Variants in CPO observed in about 807,000 individuals in gnomAD.
The protein encoded by CPO is metallocarboxypeptidase C.
Under a neutral mutation model 41.2 loss-of-function variants are expected in CPO, and 43 were observed. The observed-to-expected ratio is 1.04, with a 90% CI of 0.82 to 1.35. The LOEUF (loss-of-function observed/expected upper bound fraction) is 1.35, where lower values mean the gene tolerates loss of function less well. Ranked by LOEUF, CPO falls within the 40% of genes most tolerant of loss-of-function variation. The pLI, the probability that CPO is intolerant of heterozygous loss-of-function variation, is 0.00. For synonymous variants in CPO, 178 were observed against 162.7 expected (o/e 1.09, Z -0.72); for missense variants, 408 against 451.7 (o/e 0.90, Z 0.88).
In CPO at chr2:206,962,398, C is replaced by T; in HGVS notation, c.575-14C>T. On this transcript the variant is annotated splice_polypyrimidine_tract_variant and intron_variant, in intron 6 of 8. Transcript: ENST00000272852. ...GATCATGCAGCCTTCTTTGTGGTTTCTTCCATATTCTAGGTATTGGTGCCT... is the reference window on the plus strand; with the variant it reads ...GATCATGCAGCCTTCTTTGTGGTTTTTTCCATATTCTAGGTATTGGTGCCT... 6.2e-7 allele frequency: 1 copy of T among 1,612,278 alleles called. No individual in the cohort carries two copies. Among genetic ancestry groups the T allele is most frequent in the Non-Finnish European group, 8.5e-7 (1 of 1,178,366 alleles).
At position 206,941,911 on chromosome 2, in the gene CPO, A is replaced by G. The variant is rs192313640; in HGVS notation, c.68+2244A>G. Among the ~76,000 whole-genome samples the G allele has an allele frequency of 4.7e-3, 710 of 152,224 alleles. 4 individuals carry two copies. Among genetic ancestry groups the G allele is most frequent in the South Asian group, 9.3e-3 (45 of 4,832 alleles). On this transcript the variant is annotated intron_variant, in intron 1 of 8. Transcript: ENST00000272852. ...GTATAATCATTTGGGATTTAGCAAT[A>G]TCAATCAAATGGCTTGAAAATGTTC...
Position 206,939,546 on chromosome 2 carries a change from C to T in CPO, c.-54C>T. 7.1e-7 allele frequency: 1 copy of T among 1,402,698 alleles called. No individual in the cohort carries two copies. Among genetic ancestry groups the T allele is most frequent in the Non-Finnish European group, 1.0e-6 (1 of 990,142 alleles). The allele number at this position is 1,402,698 out of a possible 1,614,324, so 86.9% of individuals were successfully genotyped here. The stretch of plus-strand genomic sequence containing the variant: ...GTCTTGATGCATTCATTCTCAAGGA[C>T]ACTTGATCCACTGCCAGAGAGGCCC... On this transcript the variant is annotated 5_prime_UTR_variant, in exon 1 of 9. Coordinates refer to ENST00000272852, the MANE Select transcript of CPO (RefSeq NM_173077.3).
intron 1 of CPO, among the ~76,000 whole-genome samples, chr2:206,946,267 A>G (rs1693143545): frequency 6.6e-6 from 1 of 152,200 alleles, no homozygotes; most frequent in South Asian, 2.1e-4. Context: ...CAATGTATAA[A>G]AAGAATTAGA....
intron 3 of CPO, among the ~76,000 whole-genome samples, chr2:206,956,440 C>CGTG (rs1243764229): frequency 6.6e-6 from 1 of 152,174 alleles, no homozygotes; most frequent in Non-Finnish European, 1.5e-5. Context: ...GCAGCATCAC[C>CGTG]ACCTGAGGGC....
intron 7 of CPO, among the ~76,000 whole-genome samples, chr2:206,967,346 T>TAGATATAG (rs1553512792): frequency 3.6e-5 from 4 of 111,278 alleles, no homozygotes; most frequent in African/African-American, 1.5e-4. Context: ...TATATATATA[T>TAGATATAG]ATATAGATAT....
chr2:206,939,632 G>A lies in CPO; in HGVS notation c.33G>A (p.Leu11=). 1 of 1,611,252 alleles carries A rather than the reference G, an allele frequency of 6.2e-7. No individual in the cohort carries two copies. The highest frequency in any genetic ancestry group is 8.5e-7 in the Non-Finnish European group (1 of 1,177,968). MKPLLETLYL[L]GMLVPGGLGY... is the part of the protein sequence containing the mutation. ...CTCTGCTTGAAACCCTTTATCTTTTGGGGATGCTGGTTCCTGGAGGGCTGG... is the reference window on the plus strand; with the variant it reads ...CTCTGCTTGAAACCCTTTATCTTTTAGGGATGCTGGTTCCTGGAGGGCTGG... The change falls in exon 1 of 9, where the codon TTG becomes TTA. Residue 11 remains leucine, a synonymous_variant. Coordinates refer to ENST00000272852, the MANE Select transcript of CPO (RefSeq NM_173077.3).
chr2:206,956,288 A>T (rs1242539376), intron 3 of CPO, among the ~76,000 whole-genome samples: 1 of 152,108 alleles, frequency 6.6e-6, no homozygotes, highest in Non-Finnish European at 1.5e-5. Context: ...TTTTGACCTA[A>T]TTGTTTCAGG....
intron 1 of CPO, among the ~76,000 whole-genome samples, chr2:206,947,069 T>G (rs990301874): frequency 2.6e-5 from 4 of 152,170 alleles, no homozygotes; most frequent in Admixed American, 1.3e-4. Flanking sequence ...ATTGACAAAC[T>G]GATTCTAAAG....
intron 2 of CPO, among the ~76,000 whole-genome samples, chr2:206,953,620 A>G (rs1259316273): frequency 6.6e-6 from 1 of 152,204 alleles, no homozygotes; most frequent in African/African-American, 2.4e-5. Flanking sequence ...GCACAGTGCA[A>G]GCTGTCAGTG....
In CPO at chr2:206,960,833, G is replaced by T; in HGVS notation, c.484-19G>T. 1 of 1,551,544 alleles carries T rather than the reference G, an allele frequency of 6.4e-7. No homozygotes were observed. Among genetic ancestry groups the T allele is most frequent in the Non-Finnish European group, 8.9e-7 (1 of 1,123,174 alleles). On this transcript the variant is annotated intron_variant, in intron 5 of 8. Coordinates refer to ENST00000272852, the MANE Select transcript of CPO (RefSeq NM_173077.3). ...ATGAAACCTTAGAACAGCAACATCC[G>T]TATGTTCCTCTGCTACAGGATCGTC...
chr2:206,966,404 GAGACTCTTAA>G (rs930620363), intron 7 of CPO, among the ~76,000 whole-genome samples: 8 of 152,122 alleles, frequency 5.3e-5, no homozygotes, highest in Admixed American at 5.2e-4. Context: ...ATCTCTGCTA[GAGACTCTTAA>G]AGAACTTCAG....
At chr2:206,947,669 T>C (rs1016353356) in intron 1 of CPO, among the ~76,000 whole-genome samples, 3 of 152,024 alleles carry the variant, frequency 2.0e-5, no homozygotes, top group African/African-American at 7.2e-5. Context: ...AGGACTGTTA[T>C]CCAAAATATA....
chr2:206,948,415 G>C (rs1005926425), intron 1 of CPO, among the ~76,000 whole-genome samples: 22 of 152,190 alleles, frequency 1.4e-4, no homozygotes, highest in African/African-American at 5.1e-4. Flanking sequence ...TAGTTGCCAG[G>C]GGTTAGGGAA....
At chr2:206,959,155 A>G (rs1693431541) in intron 4 of CPO, among the ~76,000 whole-genome samples, 1 of 152,218 alleles carries the variant, frequency 6.6e-6, no homozygotes, top group Non-Finnish European at 1.5e-5. Flanking sequence ...ATTTTTGTGT[A>G]TTACTTATAA....
At chr2:206,946,893 T>C (rs1693155063) in intron 1 of CPO, among the ~76,000 whole-genome samples, 1 of 152,100 alleles carries the variant, frequency 6.6e-6, no homozygotes, top group African/African-American at 2.4e-5. Context: ...TTAGGTATAA[T>C]TCTAACAAAA....
At chr2:206,956,647 C>T (rs1693372342) in intron 3 of CPO, among the ~76,000 whole-genome samples, 1 of 152,188 alleles carries the variant, frequency 6.6e-6, no homozygotes, top group Non-Finnish European at 1.5e-5. Context: ...GCATTTCTAA[C>T]AAGTTCCTAG....
intron 1 of CPO, among the ~76,000 whole-genome samples, chr2:206,942,393 C>T (rs536641400): frequency 2.0e-5 from 3 of 152,004 alleles, no homozygotes; most frequent in Admixed American, 6.6e-5. Context: ...ATACCTTCTA[C>T]GTTTTCCATG....
intron 2 of CPO, among the ~76,000 whole-genome samples, chr2:206,953,119 A>G (rs1693296197): frequency 6.6e-6 from 1 of 152,152 alleles, no homozygotes; most frequent in Non-Finnish European, 1.5e-5. Flanking sequence ...CAACCAAACC[A>G]TATATTCCAC....
At chr2:206,947,578 A>G (rs1401019768) in intron 1 of CPO, among the ~76,000 whole-genome samples, 2 of 152,184 alleles carry the variant, frequency 1.3e-5, no homozygotes, top group Admixed American at 6.6e-5. Context: ...GGAAACTTCT[A>G]CTTTGCAAAA....
Sources: gnomAD v4.1 joint callset for allele counts (sites outside exome capture counted in the v4.1 genomes callset) on GRCh38, gnomAD v4.1.1 for gene constraint, MANE v1.5 for transcripts, NCBI Gene and HGNC (gene_info 2026-07-23, HGNC 2026-07-21) for gene names.